MAP4K3: variants seen among roughly 807,000 people sequenced by gnomAD.
MAP4K3 encodes the protein MAPK/ERK kinase kinase kinase 3.
In MAP4K3, 94 loss-of-function variants were observed where a neutral mutation model predicts 143.5. The ratio of observed to expected loss-of-function variants is 0.65; its 90% CI spans 0.55 to 0.78. MAP4K3 has a LOEUF of 0.78. Ranked by LOEUF, MAP4K3 falls within the 30% of genes least tolerant of loss-of-function variation. The probability of loss-of-function intolerance (pLI) is 0.00; values close to 1 mark genes in which losing one functional copy is unlikely to be tolerated. For missense variants in MAP4K3, 1,077 were observed against 1,068.1 expected (o/e 1.01, Z -0.12); for synonymous variants, 416 against 347.2 (o/e 1.20, Z -2.20).
chr2:39,282,575 T>C, intron 21 of MAP4K3, 21 bp from the exon 22 acceptor site: 2 of 1,587,740 alleles, frequency 1.3e-6, no homozygotes, highest in Non-Finnish European at 1.7e-6. Flanking sequence ...AACACATGTA[T>C]GATTACACTT....
rs3086434 is a variant in MAP4K3 at position 39,392,183 on chromosome 2, C to CAAAAAAAA, written c.97-14068_97-14061dup. ...CTGGCAACAGAACGACACTCCTACT[C>CAAAAAAAA]AAAAAAAAAAAAAAAAAAAAAATTA... On this transcript the variant is annotated intron_variant, in intron 1 of 33. Coordinates refer to ENST00000263881, the MANE Select transcript of MAP4K3 (RefSeq NM_003618.4). Among the ~76,000 whole-genome samples, 277 of 68,932 alleles carry CAAAAAAAA rather than the reference C, an allele frequency of 4.0e-3. 19 individuals carry two copies. Among genetic ancestry groups the CAAAAAAAA allele is most frequent in the Non-Finnish European group, 4.6e-3 (180 of 38,900 alleles). The allele number at this position is 68,932 out of a possible 152,430, so 45.2% of individuals were successfully genotyped here.
At chr2:39,326,078 T>G in intron 9 of MAP4K3, 68 bp downstream of exon 9, 1 of 1,558,444 alleles carries the variant, frequency 6.4e-7, no homozygotes, top group African/African-American at 1.4e-5. Flanking sequence ...GAAAATTACT[T>G]GTTCATGACA....
At chr2:39,402,815 GA>G (rs369025803) in intron 1 of MAP4K3, among the ~76,000 whole-genome samples, 27 of 137,744 alleles carry the variant, frequency 2.0e-4, no homozygotes, top group African/African-American at 2.7e-4. Flanking sequence ...AAAAAAGAAA[GA>G]AAAAAAAAAG....
At chr2:39,259,012 T>TTG (rs1680455706) in intron 29 of MAP4K3, among the ~76,000 whole-genome samples, 1 of 151,276 alleles carries the variant, frequency 6.6e-6, no homozygotes, top group Non-Finnish European at 1.5e-5. Context: ...TGAAAATTGT[T>TTG]TTTTTTTTTT....
At chr2:39,414,757 C>A (rs1206365689) in intron 1 of MAP4K3, among the ~76,000 whole-genome samples, 1 of 152,026 alleles carries the variant, frequency 6.6e-6, no homozygotes, top group Non-Finnish European at 1.5e-5. Context: ...TGCATGTAGT[C>A]CCAGCTACTC....
rs1273714659 is a variant in MAP4K3 at position 39,265,124 on chromosome 2, A to G, written c.2136+79T>C. Reference sequence around the variant, plus strand: ...ACTAAATTAACTTGAAAATTAACTGAAAAAAATGTTTCTTTAAAGAACAGT... The same window carrying G: ...ACTAAATTAACTTGAAAATTAACTGGAAAAAATGTTTCTTTAAAGAACAGT... On this transcript the variant is annotated intron_variant, in intron 28 of 33. Transcript: ENST00000263881. 5 of 1,010,846 alleles carry G rather than the reference A, an allele frequency of 4.9e-6. No individual in the cohort carries two copies. The African/African-American group carries it at 8.1e-5, about 16-fold the overall frequency. 62.6% of individuals were successfully genotyped at this position (1,010,846 alleles called of 1,614,324 possible).
At chr2:39,433,620 C>A (rs879428077) in intron 1 of MAP4K3, among the ~76,000 whole-genome samples, 4 of 152,148 alleles carry the variant, frequency 2.6e-5, no homozygotes, top group South Asian at 2.1e-4. Flanking sequence ...AATGCTATAA[C>A]CCATCTCCAC....
intron 7 of MAP4K3, among the ~76,000 whole-genome samples, chr2:39,332,630 G>A (rs1421894370): frequency 1.3e-5 from 2 of 151,998 alleles, no homozygotes; most frequent in Admixed American, 1.3e-4. Flanking sequence ...TAAATAGTAT[G>A]TCTTTGAGTG....
chr2:39,284,857 A>G (rs898696375), intron 21 of MAP4K3, among the ~76,000 whole-genome samples: 1 of 151,620 alleles, frequency 6.6e-6, no homozygotes, highest in Admixed American at 6.6e-5. Flanking sequence ...ATGAATAAAT[A>G]AATAAATAAA....
At chr2:39,410,509 C>A (rs1210047845) in intron 1 of MAP4K3, among the ~76,000 whole-genome samples, 1 of 152,098 alleles carries the variant, frequency 6.6e-6, no homozygotes, top group Non-Finnish European at 1.5e-5. Context: ...TACTGAAAAC[C>A]ATTACAGTCA....
At chr2:39,397,172 T>A (rs557923332) in intron 1 of MAP4K3, among the ~76,000 whole-genome samples, 1 of 152,282 alleles carries the variant, frequency 6.6e-6, no homozygotes, top group Admixed American at 6.5e-5. Context: ...GTGTAATGTC[T>A]CTCAACCAAG....
At chr2:39,270,635 G>T (rs944783360) in intron 26 of MAP4K3, among the ~76,000 whole-genome samples, 2 of 152,174 alleles carry the variant, frequency 1.3e-5, no homozygotes, top group Non-Finnish European at 2.9e-5. Flanking sequence ...CCCATACCTA[G>T]TAAGTAAATG....
Position 39,392,318 on chromosome 2 carries a change from C to A in MAP4K3, c.97-14195G>T, listed in dbSNP as rs534317761. On this transcript the variant is annotated intron_variant, in intron 1 of 33. Transcript: ENST00000263881. ...TGGGATAAATGTTAAGTGAAAAATG[C>A]ATATTTTTTAATTCAAAAAAGAAAC... Among the ~76,000 whole-genome samples the A allele has an allele frequency of 6.8e-4, 103 of 151,256 alleles. 1 individual carries two copies. Among genetic ancestry groups the A allele is most frequent in the Non-Finnish European group, 1.1e-3 (76 of 67,918 alleles).
At chr2:39,377,467 A>G (rs1017105730) in intron 2 of MAP4K3, among the ~76,000 whole-genome samples, 4 of 152,086 alleles carry the variant, frequency 2.6e-5, no homozygotes, top group African/African-American at 4.8e-5. Context: ...TAGCTAAGAA[A>G]AATGTGGGTT....
At chr2:39,364,004 A>AC (rs1665847130) in intron 2 of MAP4K3, among the ~76,000 whole-genome samples, 1 of 151,618 alleles carries the variant, frequency 6.6e-6, no homozygotes, top group Admixed American at 6.6e-5. Context: ...AAAAAAAAAA[A>AC]AAAAAAGAAG....
intron 14 of MAP4K3, among the ~76,000 whole-genome samples, chr2:39,308,331 C>A (rs1682792309): frequency 1.3e-5 from 2 of 152,124 alleles, no homozygotes; most frequent in South Asian, 4.1e-4. Flanking sequence ...TTTCTCCACC[C>A]CTCTTCATAA....
chr2:39,327,637 C>T (rs1300443406), intron 8 of MAP4K3, among the ~76,000 whole-genome samples: 1 of 152,098 alleles, frequency 6.6e-6, no homozygotes, highest in Non-Finnish European at 1.5e-5. Context: ...AAGTCAAAAA[C>T]AAAAAACCCT....
chr2:39,375,167 A>G (rs957276390), intron 2 of MAP4K3, among the ~76,000 whole-genome samples: 35 of 152,110 alleles, frequency 2.3e-4, no homozygotes, highest in African/African-American at 8.0e-4. Context: ...ACTGAGGTAG[A>G]AGTATACCAT....
At chr2:39,311,754 T>C (rs971827437) in intron 13 of MAP4K3, among the ~76,000 whole-genome samples, 1 of 152,218 alleles carries the variant, frequency 6.6e-6, no homozygotes, top group Non-Finnish European at 1.5e-5. Flanking sequence ...CTAGCTGATA[T>C]CCTGTGTGCA....
Sources: gnomAD v4.1 joint callset for allele counts (sites outside exome capture counted in the v4.1 genomes callset) on GRCh38, gnomAD v4.1.1 for gene constraint, MANE v1.5 for transcripts, NCBI Gene and HGNC (gene_info 2026-07-23, HGNC 2026-07-21) for gene names.